TWSG1: variants seen among roughly 807,000 people sequenced by gnomAD.
The protein encoded by TWSG1 is twisted gastrulation protein homolog 1.
Under a neutral mutation model 23.0 loss-of-function variants are expected in TWSG1, and 15 were observed. The observed-to-expected ratio is 0.65, with a 90% CI of 0.44 to 1.00. TWSG1 has a LOEUF of 1.00. TWSG1 is among the 50% of genes least tolerant of loss of function. The probability of loss-of-function intolerance (pLI) is 0.00; values close to 1 mark genes in which losing one functional copy is unlikely to be tolerated. For synonymous variants in TWSG1, 86 were observed against 92.8 expected, an observed-to-expected ratio of 0.93 and a Z score of 0.42; for missense variants, 242 against 278.7, an observed-to-expected ratio of 0.87 and a Z score of 0.94.
At chr18:9,361,395 G>T (rs555240079) in intron 3 of TWSG1, among the ~76,000 whole-genome samples, 1 of 152,236 alleles carries the variant, frequency 6.6e-6, no homozygotes, top group South Asian at 2.1e-4. Context: ...GGTGTCTGGT[G>T]ACCCTTGGCT....
rs757531463 is a variant in TWSG1 at position 9,360,031 on chromosome 18, G to T, written c.183G>T (p.Leu61=). ...GNCSCCKECM[L]CLGALWDECC... is the part of the protein sequence containing the mutation. Reference sequence around the variant, plus strand: ...GCTCCTGCTGTAAGGAGTGCATGCTGTGTCTTGGGGCCCTTTGGGACGAGT... The same window carrying T: ...GCTCCTGCTGTAAGGAGTGCATGCTTTGTCTTGGGGCCCTTTGGGACGAGT... Residue 61 remains leucine (L), a synonymous_variant, in exon 3 of 5, where the codon CTG becomes CTT. Transcript: ENST00000262120. 8.4e-5 allele frequency: 135 copies of T among 1,613,628 alleles called. No individual in the cohort carries two copies. Among genetic ancestry groups the T allele is most frequent in the Non-Finnish European group, 1.1e-4 (126 of 1,179,758 alleles).
intron 2 of TWSG1, among the ~76,000 whole-genome samples, chr18:9,343,512 A>G (rs777857379): frequency 1.6e-4 from 24 of 152,082 alleles, no homozygotes; most frequent in Non-Finnish European, 5.9e-5. Context: ...TGCAACCATC[A>G]CCACAATCTA....
intron 3 of TWSG1, among the ~76,000 whole-genome samples, chr18:9,373,004 A>G (rs2040612764): frequency 6.6e-6 from 1 of 150,780 alleles, no homozygotes; most frequent in Admixed American, 6.7e-5. Context: ...TATGTTACCT[A>G]CAAGAAACCC....
At chr18:9,348,827 T>C (rs1452875444) in intron 2 of TWSG1, among the ~76,000 whole-genome samples, 1 of 152,248 alleles carries the variant, frequency 6.6e-6, no homozygotes, top group East Asian at 1.9e-4. Context: ...AGTTTGAACA[T>C]TTGTAATGTT....
intron 3 of TWSG1, among the ~76,000 whole-genome samples, chr18:9,370,370 C>T (rs2040599316): frequency 6.6e-6 from 1 of 151,812 alleles, no homozygotes; most frequent in Admixed American, 6.6e-5. Flanking sequence ...TCTGTATTTT[C>T]CTCTACCTAG....
At chr18:9,355,326 T>C (rs911655634) in intron 2 of TWSG1, among the ~76,000 whole-genome samples, 3 of 152,208 alleles carry the variant, frequency 2.0e-5, no homozygotes, top group African/African-American at 7.2e-5. Flanking sequence ...TTTATGTTTT[T>C]CTGTAATCCT....
At chr18:9,384,647 CTTT>C (rs577142474) in intron 3 of TWSG1, among the ~76,000 whole-genome samples, 7 of 142,048 alleles carry the variant, frequency 4.9e-5, no homozygotes, top group Admixed American at 7.1e-5. Context: ...TGTGCTTTCC[CTTT>C]TTTTTTTTTT....
chr18:9,383,864 G>T (rs1199935821), intron 3 of TWSG1, among the ~76,000 whole-genome samples: 4 of 152,152 alleles, frequency 2.6e-5, no homozygotes, highest in Admixed American at 2.6e-4. Context: ...AGTGGGTCCA[G>T]TGGTGGAAAT....
At position 9,336,009 on chromosome 18, in the gene TWSG1, C is replaced by T. The variant is rs1041905746; in HGVS notation, c.-38+1089C>T. Among the ~76,000 whole-genome samples, 23 of 152,246 alleles carry T rather than the reference C, an allele frequency of 1.5e-4. 1 individual carries two copies. The East Asian group carries it at 4.4e-3, about 29-fold the overall frequency. On this transcript the variant is annotated intron_variant, in intron 1 of 4. Coordinates refer to ENST00000262120, the MANE Select transcript of TWSG1 (RefSeq NM_020648.6). ...TGTATACTGTTTGGCCCCTGTCAGA[C>T]TGTGTTTGTGCTAGTCTTTTTTCCT...
chr18:9,343,810 G>A (rs965106893), intron 2 of TWSG1, among the ~76,000 whole-genome samples: 6 of 152,144 alleles, frequency 3.9e-5, no homozygotes, highest in East Asian at 1.9e-4. Context: ...TTATTGGTTG[G>A]AGGATATTTG....
At chr18:9,360,141 G>A (rs1285279802) in intron 3 of TWSG1, 70 bp downstream of exon 3, 9 of 1,267,722 alleles carry the variant, frequency 7.1e-6, no homozygotes, top group Admixed American at 1.8e-5. Context: ...GAGACTTTAA[G>A]GAATATAAAT....
chr18:9,344,846 A>C (rs896855129), intron 2 of TWSG1, among the ~76,000 whole-genome samples: 5 of 152,032 alleles, frequency 3.3e-5, no homozygotes, highest in Admixed American at 2.6e-4. Flanking sequence ...CTCCTGGGCC[A>C]ACACGATCCT....
In TWSG1 at chr18:9,367,602, G is replaced by A. The variant is rs7243265; in HGVS notation, c.223+7531G>A. 4.1e-3 allele frequency among the ~76,000 whole-genome samples: 625 copies of A among 152,266 alleles called. 2 individuals carry two copies. The highest frequency in any genetic ancestry group is 0.014 in the African/African-American group (588 of 41,554). ...GGAGGTGAACACCAGGCAAGCGAGCGTCACCGCCTGAGCTCCGTCTCCTGT... is the reference window on the plus strand; with the variant it reads ...GGAGGTGAACACCAGGCAAGCGAGCATCACCGCCTGAGCTCCGTCTCCTGT... On this transcript the variant is annotated intron_variant, in intron 3 of 4. Transcript: ENST00000262120.
chr18:9,384,159 G>C (rs1268264097), intron 3 of TWSG1, among the ~76,000 whole-genome samples: 1 of 152,192 alleles, frequency 6.6e-6, no homozygotes, highest in Non-Finnish European at 1.5e-5. Flanking sequence ...AACTCGACTA[G>C]ATTTGGTGAC....
chr18:9,340,139 C>T (rs1032634090), intron 2 of TWSG1, among the ~76,000 whole-genome samples: 2 of 151,874 alleles, frequency 1.3e-5, no homozygotes, highest in Non-Finnish European at 2.9e-5. Flanking sequence ...AAGGCCGAGG[C>T]GGGCGGATCA....
At chr18:9,360,639 C>A (rs2145608019) in intron 3 of TWSG1, among the ~76,000 whole-genome samples, 1 of 152,278 alleles carries the variant, frequency 6.6e-6, no homozygotes, top group African/African-American at 2.4e-5. Context: ...TCTGAGAGAT[C>A]ATTTATTGCA....
chr18:9,366,921 G>C (rs1719957498), intron 3 of TWSG1, among the ~76,000 whole-genome samples: 1 of 152,042 alleles, frequency 6.6e-6, no homozygotes, highest in African/African-American at 2.4e-5. Flanking sequence ...TGTATGGTGA[G>C]AACACTTAAA....
intron 2 of TWSG1, among the ~76,000 whole-genome samples, chr18:9,346,365 T>A (rs2040477469): frequency 6.6e-6 from 1 of 152,228 alleles, no homozygotes; most frequent in South Asian, 2.1e-4. Flanking sequence ...AATATCCCAT[T>A]GTATGAATGT....
chr18:9,348,554 T>C (rs1387878892), intron 2 of TWSG1, among the ~76,000 whole-genome samples: 1 of 152,206 alleles, frequency 6.6e-6, no homozygotes, highest in African/African-American at 2.4e-5. Flanking sequence ...AGGTTAAACA[T>C]TGTTGTGGCT....
Sources: gnomAD v4.1 joint callset for allele counts (sites outside exome capture counted in the v4.1 genomes callset) on GRCh38, gnomAD v4.1.1 for gene constraint, MANE v1.5 for transcripts, NCBI Gene and HGNC (gene_info 2026-07-23, HGNC 2026-07-21) for gene names.